Variants in DPEP2 observed in about 807,000 individuals in gnomAD.
The protein encoded by DPEP2 is dipeptidase 2.
A neutral mutation model predicts 51.8 loss-of-function variants in DPEP2; 45 were observed. That is an observed-to-expected ratio of 0.87 (90% CI 0.68 to 1.11). The LOEUF (loss-of-function observed/expected upper bound fraction) is 1.11, where lower values mean the gene tolerates loss of function less well. Among genes scored for constraint, DPEP2 ranks in the 50% most tolerant of loss-of-function variants. The probability of loss-of-function intolerance (pLI) is 0.00; values close to 1 mark genes in which losing one functional copy is unlikely to be tolerated. For missense variants in DPEP2, 604 were observed against 631.9 expected (o/e 0.96, Z 0.47); for synonymous variants, 255 against 262.7 (o/e 0.97, Z 0.28).
intron 1 of DPEP2, among the ~76,000 whole-genome samples, chr16:67,997,505 C>G (rs1391477905): frequency 2.0e-5 from 3 of 152,000 alleles, no homozygotes; most frequent in Non-Finnish European, 4.4e-5. Context: ...TATAGGTGCC[C>G]GCCAACACGC....
upstream of DPEP2, among the ~76,000 whole-genome samples, chr16:68,000,038 A>G (rs1247590294): frequency 6.6e-6 from 1 of 152,146 alleles, no homozygotes; most frequent in Non-Finnish European, 1.5e-5. Flanking sequence ...CAGCCTCTCC[A>G]GTCTCAGCAA....
At chr16:67,988,088 G>A in intron 9 of DPEP2, 101 bp from the exon 10 acceptor site, 1 of 1,507,290 alleles carries the variant, frequency 6.6e-7, no homozygotes, top group Non-Finnish European at 9.1e-7. Flanking sequence ...TCAGGTATGG[G>A]AAGTGGAGAC....
At chr16:67,990,236 G>T in intron 7 of DPEP2, 105 bp from the exon 8 acceptor site, 1 of 1,042,752 alleles carries the variant, frequency 9.6e-7, no homozygotes, top group Non-Finnish European at 1.4e-6. Flanking sequence ...TCTGACTTCA[G>T]GAGTCAGCAG....
chr16:67,992,547 C>T lies in DPEP2; in HGVS notation c.353G>A (p.Ser118Asn). 1 of 1,614,164 alleles carries T rather than the reference C, an allele frequency of 6.2e-7. No individual in the cohort carries two copies. Among genetic ancestry groups the T allele is most frequent in the Non-Finnish European group, 8.5e-7 (1 of 1,179,984 alleles). Residue 118 changes from serine (S) to asparagine (N), a missense_variant, in exon 3 of 11, where the codon AGC (serine) becomes AAC (asparagine). Physicochemically the swap from Ser to Asn is conservative, Grantham distance 46. Coordinates refer to ENST00000393847, the MANE Select transcript of DPEP2 (RefSeq NM_022355.4). ...NLRNFSYGQT[S>N]LDRLRDGLVG... ...GAGGCCATCTCTAAGCCTGTCCAGG[C>T]TGGTCTGGCCGTAGCTGAAATTGCG...
chr16:67,988,158 T>A (rs2031645743), intron 9 of DPEP2, 171 bp from the exon 10 acceptor site: 3 of 707,218 alleles, frequency 4.2e-6, no homozygotes, highest in African/African-American at 1.8e-5. Context: ...CCTCAAAACC[T>A]CCTTGAATAT....
At position 67,989,389 on chromosome 16, in the gene DPEP2, TC is replaced by T; in HGVS notation, c.1003del (p.Asp335ThrfsTer37). ...ANVSTVADHF[D>X]HIKAVIGSKF... ...GGATCCAATGACAGCCTTGATGTGG[TC>T]GAAGTGATCTGGGGAGGGGGAAGGT... On this transcript the variant is annotated frameshift_variant, in exon 9 of 11. Transcript: ENST00000393847. LOFTEE classifies it high-confidence loss of function. 1 of 1,614,076 alleles carries T rather than the reference TC, an allele frequency of 6.2e-7. No homozygotes were observed. The highest frequency in any genetic ancestry group is 8.5e-7 in the Non-Finnish European group (1 of 1,179,972).
Position 67,995,216 on chromosome 16 carries a change from A to T in DPEP2, c.-45-1959T>A, listed in dbSNP as rs530863163. On this transcript the variant is annotated intron_variant, in intron 1 of 10. Coordinates refer to ENST00000393847, the MANE Select transcript of DPEP2 (RefSeq NM_022355.4). ...CACCTGGGCTTTTTTTTTATTTTTT[A>T]TTTATTTTTTTAATTAAAGACTGTC... Among the ~76,000 whole-genome samples, 869 of 147,152 alleles carry T rather than the reference A, an allele frequency of 5.9e-3. 4 individuals carry two copies. The highest frequency in any genetic ancestry group is 0.014 in the Middle Eastern group (4 of 284).
At chr16:67,998,527 G>C (rs1369669813) in intron 1 of DPEP2, among the ~76,000 whole-genome samples, 2 of 152,202 alleles carry the variant, frequency 1.3e-5, no homozygotes, top group African/African-American at 4.8e-5. Context: ...TGCGGCCGGA[G>C]CCTCCCCGGT....
upstream of DPEP2, chr16:68,000,603 G>T (rs896140160): frequency 1.6e-6 from 1 of 613,926 alleles, no homozygotes; most frequent in Non-Finnish European, 2.0e-6. Context: ...CCAGAAAGCA[G>T]CCTGGCCACT....
At chr16:67,998,200 C>T (rs1012832349) in intron 1 of DPEP2, among the ~76,000 whole-genome samples, 1 of 152,172 alleles carries the variant, frequency 6.6e-6, no homozygotes, top group South Asian at 2.1e-4. Context: ...CCTCAGCTTG[C>T]AGGGAGGTGT....
At chr16:68,000,359 G>T, upstream of DPEP2, 1 of 820,690 alleles carries the variant, frequency 1.2e-6, no homozygotes, top group Non-Finnish European at 1.5e-6. Context: ...TCAAGAGTAT[G>T]CAGGGAAGGA....
chr16:67,992,051 T>C lies in DPEP2; in HGVS notation c.520+13A>G, dbSNP rs372554682. On this transcript the variant is annotated intron_variant, in intron 4 of 10. Coordinates refer to ENST00000393847, the MANE Select transcript of DPEP2 (RefSeq NM_022355.4). ...TCAATCAAGTTCCTAACGCTTCCCA[T>C]CAACTTGCCTACCTTTAGCCGAGGT... is the stretch of plus-strand genomic sequence containing the variant. The C allele has an allele frequency of 2.5e-6, 4 of 1,614,064 alleles. No homozygotes were observed. The highest frequency in any genetic ancestry group is 3.4e-6 in the Non-Finnish European group (4 of 1,179,988).
rs773864278 is a variant in DPEP2 at position 67,991,864 on chromosome 16, C to T, written c.636G>A (p.Thr212=). 1.1e-5 allele frequency: 17 copies of T among 1,613,998 alleles called. No individual in the cohort carries two copies. In the Admixed American group the frequency reaches 1.2e-4, roughly 11 times the overall value. Residue 212 remains threonine, a synonymous_variant, in exon 5 of 11, where the codon ACG becomes ACA. Coordinates refer to ENST00000393847, the MANE Select transcript of DPEP2 (RefSeq NM_022355.4). The surrounding 1 kb of genome is among the most constrained non-coding windows in gnomAD (Gnocchi z 5.1). The stretch of plus-strand genomic sequence containing the variant: ...AGGGTGTGTTGCAGGTGTGGGTGAG[C>T]GTCAGGTAGCGCACTCCCAGCATGT... ...TFYMLGVRYL[T]LTHTCNTPWA...
Position 67,987,588 on chromosome 16 carries a change from CACTTGGCTGGTA to C in DPEP2, c.1367_1378del (p.Leu456_Lys459del). The C allele has an allele frequency of 6.2e-7, 1 of 1,614,144 alleles. No homozygotes were observed. The highest frequency in any genetic ancestry group is 8.5e-7 in the Non-Finnish European group (1 of 1,180,022). On this transcript the variant is annotated inframe_deletion, in exon 11 of 11. Coordinates refer to ENST00000393847, the MANE Select transcript of DPEP2 (RefSeq NM_022355.4). ...GTGGGGGGAGGACTCTGAGACTGACCACTTGGCTGGTAACTTGGCTGTCCAGTGTATGGGAAT... is the reference window on the plus strand; with the variant it reads ...GTGGGGGGAGGACTCTGAGACTGACCACTTGGCTGTCCAGTGTATGGGAAT...
At chr16:67,988,251 AAAG>A (rs1237863977) in intron 9 of DPEP2, among the ~76,000 whole-genome samples, 1 of 152,158 alleles carries the variant, frequency 6.6e-6, no homozygotes, top group Non-Finnish European at 1.5e-5. Flanking sequence ...CCAGAGTTAA[AAAG>A]AAGAAAATGG....
upstream of DPEP2, among the ~76,000 whole-genome samples, chr16:68,000,021 C>T (rs991605360): frequency 2.0e-5 from 3 of 152,174 alleles, no homozygotes; most frequent in Non-Finnish European, 4.4e-5. Context: ...GGAGAGTCTG[C>T]TCTCACCAGC....
intron 7 of DPEP2, 30 bp downstream of exon 7, chr16:67,990,791 T>G: frequency 6.3e-7 from 1 of 1,596,644 alleles, no homozygotes; most frequent in Non-Finnish European, 8.6e-7. Flanking sequence ...AACCTCTTGC[T>G]TTAGGTTCCT....
intron 1 of DPEP2, among the ~76,000 whole-genome samples, chr16:67,998,702 A>G (rs1046231968): frequency 7.9e-5 from 12 of 151,802 alleles, no homozygotes; most frequent in Admixed American, 5.2e-4. Context: ...GACGTGGACA[A>G]TCTTTACGTC....
rs1224251477 is a variant in DPEP2 at position 67,994,048 on chromosome 16, T to A, written c.-45-791A>T. 3.0e-6 allele frequency: 3 copies of A among 985,396 alleles called. No individual in the cohort carries two copies. In the African/African-American group the frequency reaches 5.3e-5, roughly 17 times the overall value. 61.0% of individuals were successfully genotyped at this position (985,396 alleles called of 1,614,324 possible). ...TGGAGGGATGAGAGCGCAGCAAGCA[T>A]CTGGCCACTGCCAGGGAACATTCAC... On this transcript the variant is annotated intron_variant, in intron 1 of 10. Coordinates refer to ENST00000393847, the MANE Select transcript of DPEP2 (RefSeq NM_022355.4).
Sources: allele counts gnomAD v4.1 joint callset (sites outside exome capture counted in the v4.1 genomes callset), GRCh38; gene constraint gnomAD v4.1.1; non-coding constraint Gnocchi (gnomAD v3.1); transcripts MANE v1.5; gene names NCBI Gene and HGNC (gene_info 2026-07-23, HGNC 2026-07-21).